The following DNER variants were observed in gnomAD, a reference collection of about 807,000 sequenced individuals.
The protein encoded by DNER is delta/notch like EGF repeat containing, also known as delta and Notch-like epidermal growth factor-related receptor.
A neutral mutation model predicts 78.2 loss-of-function variants in DNER; 33 were observed. The observed-to-expected ratio is 0.42, with a 90% CI of 0.32 to 0.56. The LOEUF is 0.56. Ranked by LOEUF, DNER falls within the 20% of genes least tolerant of loss-of-function variation. The probability of loss-of-function intolerance (pLI) is 0.11; values close to 1 mark genes in which losing one functional copy is unlikely to be tolerated. For synonymous variants in DNER, 417 were observed against 384.8 expected (o/e 1.08, Z -0.98); for missense variants, 918 against 975.3 (o/e 0.94, Z 0.78).
At chr2:229,682,544 T>C (rs1274105592) in intron 1 of DNER, among the ~76,000 whole-genome samples, 1 of 152,140 alleles carries the variant, frequency 6.6e-6, no homozygotes, top group Non-Finnish European at 1.5e-5. Context: ...CATAATCACA[T>C]ACCAGGATAG....
chr2:229,659,374 C>T (rs138888043), intron 1 of DNER, among the ~76,000 whole-genome samples: 46 of 152,246 alleles, frequency 3.0e-4, no homozygotes, highest in African/African-American at 1.1e-3. Flanking sequence ...AGCAAGTCCC[C>T]AACTCTGCAT....
chr2:229,626,312 C>G (rs959580244), intron 1 of DNER, among the ~76,000 whole-genome samples: 4 of 152,182 alleles, frequency 2.6e-5, no homozygotes, highest in African/African-American at 9.7e-5. Context: ...GAACGCAATC[C>G]GCTGTTCAAA....
chr2:229,607,977 A>C (rs1697970443), intron 1 of DNER, among the ~76,000 whole-genome samples: 1 of 146,958 alleles, frequency 6.8e-6, no homozygotes, highest in Non-Finnish European at 1.5e-5. Context: ...AGCCGAGATC[A>C]TACCACTCCA....
intron 4 of DNER, among the ~76,000 whole-genome samples, chr2:229,553,027 C>T (rs1003300014): frequency 6.6e-6 from 1 of 152,210 alleles, no homozygotes; most frequent in African/African-American, 2.4e-5. Flanking sequence ...CATGGCTTCT[C>T]AGCTCATCCA....
intron 1 of DNER, among the ~76,000 whole-genome samples, chr2:229,695,951 G>T (rs1366106082): frequency 6.6e-6 from 1 of 152,124 alleles, no homozygotes; most frequent in Admixed American, 6.5e-5. Flanking sequence ...TGTTTGCTGG[G>T]GGTGGGAGAG....
intron 7 of DNER, among the ~76,000 whole-genome samples, chr2:229,463,861 A>G (rs910204213): frequency 1.3e-5 from 2 of 152,344 alleles, no homozygotes; most frequent in South Asian, 2.1e-4. Context: ...CATATTTGAG[A>G]TAATGAGAGA....
At chr2:229,427,658 AATG>A (rs547733393) in intron 8 of DNER, among the ~76,000 whole-genome samples, 1 of 152,136 alleles carries the variant, frequency 6.6e-6, no homozygotes, top group Non-Finnish European at 1.5e-5. Context: ...TGTGCAGAAG[AATG>A]ATGAGAAAAT....
rs115961273 is a variant in DNER, at chr2:229,648,876, T to A, written c.277-56988A>T. Among the ~76,000 whole-genome samples the A allele has an allele frequency of 1.6e-3, 240 of 152,354 alleles. 1 individual carries two copies. The highest frequency in any genetic ancestry group is 5.7e-3 in the African/African-American group (236 of 41,580). On this transcript the variant is annotated intron_variant, in intron 1 of 12. Coordinates refer to ENST00000341772, the MANE Select transcript of DNER (RefSeq NM_139072.4). ...CCCAGAATAACTCATCACCTCTATATTCACTGTTCCAAACCTTTTTTGTTA... is the reference window on the plus strand; with the variant it reads ...CCCAGAATAACTCATCACCTCTATAATCACTGTTCCAAACCTTTTTTGTTA...
chr2:229,449,993 G>T (rs1050057670), intron 7 of DNER, among the ~76,000 whole-genome samples: 5 of 152,152 alleles, frequency 3.3e-5, no homozygotes, highest in Admixed American at 6.5e-5. Flanking sequence ...TGTTGGTCAG[G>T]CTGGTCTCGA....
intron 12 of DNER, among the ~76,000 whole-genome samples, chr2:229,366,579 T>C (rs968488046): frequency 6.6e-6 from 1 of 151,980 alleles, no homozygotes; most frequent in Admixed American, 6.5e-5. Flanking sequence ...ACAAAAAAAG[T>C]TTTCAATATA....
At chr2:229,707,180 A>ATTTTTTTTTTTTTTTTTT (rs397868353) in intron 1 of DNER, among the ~76,000 whole-genome samples, 1 of 94,610 alleles carries the variant, frequency 1.1e-5, no homozygotes, top group Non-Finnish European at 1.9e-5. Context: ...CGGCTGGCTA[A>ATTTTTTTTTTTTTTTTTT]TTTTTTTTTT....
At chr2:229,622,649 T>A (rs1698269754) in intron 1 of DNER, among the ~76,000 whole-genome samples, 1 of 151,960 alleles carries the variant, frequency 6.6e-6, no homozygotes, top group Non-Finnish European at 1.5e-5. Context: ...GGAAACAGGG[T>A]CTTTGTGGAC....
intron 12 of DNER, among the ~76,000 whole-genome samples, chr2:229,363,921 C>T (rs926135279): frequency 2.6e-5 from 4 of 151,808 alleles, no homozygotes; most frequent in African/African-American, 9.7e-5. Context: ...GGTAAAAAAG[C>T]CCCTCCAGGA....
At chr2:229,360,162 A>C (rs549092545) in intron 12 of DNER, among the ~76,000 whole-genome samples, 8 of 152,272 alleles carry the variant, frequency 5.3e-5, no homozygotes, top group African/African-American at 1.9e-4. Flanking sequence ...CAAGTCTGAC[A>C]ATTTCCTAGG....
intron 4 of DNER, among the ~76,000 whole-genome samples, chr2:229,564,269 A>C (rs950973450): frequency 7.7e-5 from 11 of 143,790 alleles, no homozygotes; most frequent in Admixed American, 2.1e-4. Flanking sequence ...CATCATCATC[A>C]TCCTCCTCAC....
chr2:229,589,884 G>T (rs1697568586), intron 2 of DNER, among the ~76,000 whole-genome samples: 1 of 147,476 alleles, frequency 6.8e-6, no homozygotes. Flanking sequence ...GTCTGAATGT[G>T]GCCTTCATAA....
intron 5 of DNER, among the ~76,000 whole-genome samples, chr2:229,521,030 C>T (rs1399978398): frequency 6.6e-6 from 1 of 152,230 alleles, no homozygotes; most frequent in Non-Finnish European, 1.5e-5. Flanking sequence ...GCACGCCCAG[C>T]CCCAGCCTTG....
intron 7 of DNER, among the ~76,000 whole-genome samples, chr2:229,456,883 C>G (rs2106366234): frequency 6.6e-6 from 1 of 151,494 alleles, no homozygotes. Context: ...CTGCTGAAAA[C>G]CAAAAATTGA....
At chr2:229,673,787 A>G (rs1699251243) in intron 1 of DNER, among the ~76,000 whole-genome samples, 4 of 152,188 alleles carry the variant, frequency 2.6e-5, no homozygotes, top group Admixed American at 2.6e-4. Context: ...AACTGGTTTC[A>G]TTTGCTCCTC....
Sources: allele counts gnomAD v4.1 joint callset (sites outside exome capture counted in the v4.1 genomes callset), GRCh38; gene constraint gnomAD v4.1.1; transcripts MANE v1.5; gene names NCBI Gene and HGNC (gene_info 2026-07-23, HGNC 2026-07-21).